The following APOBEC3G variants were observed in gnomAD, a reference collection of about 807,000 sequenced individuals.
APOBEC3G encodes DNA dC->dU-editing enzyme APOBEC-3G.
In APOBEC3G, 44 loss-of-function variants were observed where a neutral mutation model predicts 50.0. The ratio of observed to expected loss-of-function variants is 0.88; its 90% CI spans 0.69 to 1.13. APOBEC3G has a LOEUF of 1.13. Ranked by LOEUF, APOBEC3G falls within the 50% of genes most tolerant of loss-of-function variation. APOBEC3G has a pLI of 0.00. For missense variants in APOBEC3G, 469 were observed against 492.0 expected (o/e 0.95, Z 0.44); for synonymous variants, 156 against 175.3 (o/e 0.89, Z 0.87).
chr22:39,080,780 A>T, intron 2 of APOBEC3G, 153 bp from the exon 3 acceptor site: 2 of 703,900 alleles, frequency 2.8e-6, no homozygotes, highest in Admixed American at 5.9e-5. Context: ...TTTGGAGCAG[A>T]CAAACACTCA....
At chr22:39,078,234 G>C (rs34079083) in intron 1 of APOBEC3G, among the ~76,000 whole-genome samples, 12 of 151,838 alleles carry the variant, frequency 7.9e-5, no homozygotes, top group African/African-American at 2.7e-4. Context: ...ACTCCAGCCT[G>C]GGCAACAAGA....
At chr22:39,085,191 T>C (rs944797071) in intron 5 of APOBEC3G, among the ~76,000 whole-genome samples, 1 of 152,208 alleles carries the variant, frequency 6.6e-6, no homozygotes, top group African/African-American at 2.4e-5. Context: ...ACAAGGACAA[T>C]CACCCCATGA....
In APOBEC3G at chr22:39,086,375, A is replaced by G. The variant is rs1374120538; in HGVS notation, c.832A>G (p.Arg278Gly). ...GAAGCTGGACCTGGACCAGGACTAC[A>G]GGGTTACCTGCTTCACCTCCTGGAG... ...FWKLDLDQDY[R>G]VTCFTSWSPC... Residue 278 changes from arginine (R) to glycine (G), a missense_variant, in exon 6 of 8, where the codon AGG becomes GGG. Coordinates refer to ENST00000407997, the MANE Select transcript of APOBEC3G (RefSeq NM_021822.4). The G allele has an allele frequency of 6.2e-7, 1 of 1,614,044 alleles. No homozygotes were observed. Among genetic ancestry groups the G allele is most frequent in the African/African-American group, 1.3e-5 (1 of 74,926 alleles).
intron 2 of APOBEC3G, chr22:39,079,401 T>A: frequency 4.0e-6 from 1 of 250,406 alleles, no homozygotes; most frequent in Non-Finnish European, 7.7e-6. Context: ...CACAGCAACC[T>A]CTGCCTCCTG....
intron 1 of APOBEC3G, among the ~76,000 whole-genome samples, chr22:39,077,585 C>T (rs773422631): frequency 6.6e-6 from 1 of 152,094 alleles, no homozygotes; most frequent in Non-Finnish European, 1.5e-5. Context: ...GCCGCCTCCC[C>T]CATCTGTCCC....
rs1392920296 is a variant in APOBEC3G, at chr22:39,083,798, G to C, written c.649G>C (p.Glu217Gln). The change falls in exon 5 of 8, where the codon GAG becomes CAG. Residue 217 changes from glutamate to glutamine, a missense_variant. Physicochemically the swap from Glu to Gln is conservative, Grantham distance 29. Transcript: ENST00000407997. ...NNEPWVRGRHETYLCYEVERM... is the reference protein window; with the variant it reads ...NNEPWVRGRHQTYLCYEVERM... ...TGAACCTTGGGTCAGAGGACGGCAT[G>C]AGACTTACCTGTGTTATGAGGTGGA... 6.2e-7 allele frequency: 1 copy of C among 1,614,062 alleles called. No individual in the cohort carries two copies. Among genetic ancestry groups the C allele is most frequent in the Non-Finnish European group, 8.5e-7 (1 of 1,179,940 alleles).
At position 39,081,519 on chromosome 22, in the gene APOBEC3G, T is replaced by C. The variant is rs765471727; in HGVS notation, c.515T>C (p.Phe172Ser). The C allele has an allele frequency of 6.2e-7, 1 of 1,614,204 alleles. No individual in the cohort carries two copies. Among genetic ancestry groups the C allele is most frequent in the Admixed American group, 1.7e-5 (1 of 60,026 alleles). ...TTCGTGTACAGCCAAAGAGAGCTAT[T>C]TGAGCCTTGGAATAATCTGCCTAAA... ...SKFVYSQREL[F>S]EPWNNLPKYY... Residue 172 changes from phenylalanine (F) to serine (S), a missense_variant, in exon 4 of 8, where the codon TTT becomes TCT. Physicochemically the swap from Phe to Ser is radical, Grantham distance 155 (BLOSUM62 -2). Coordinates refer to ENST00000407997, the MANE Select transcript of APOBEC3G (RefSeq NM_021822.4).
chr22:39,078,286 A>G (rs934661852), intron 1 of APOBEC3G, among the ~76,000 whole-genome samples: 10 of 152,192 alleles, frequency 6.6e-5, no homozygotes, highest in African/African-American at 2.4e-4. Flanking sequence ...AAAACAAAAG[A>G]AAAAACATGG....
intron 7 of APOBEC3G, 34 bp from the exon 8 acceptor site, chr22:39,087,373 C>A (rs1366867373): frequency 1.2e-6 from 2 of 1,614,014 alleles, no homozygotes; most frequent in African/African-American, 1.3e-5. Context: ...CACTCGCTCA[C>A]CCTTTGCTCC....
Position 39,081,467 on chromosome 22 carries a change from T to G in APOBEC3G, c.467-4T>G. The G allele has an allele frequency of 1.2e-6, 2 of 1,613,792 alleles. No individual in the cohort carries two copies. The highest frequency in any genetic ancestry group is 1.7e-6 in the Non-Finnish European group (2 of 1,179,720). The stretch of plus-strand genomic sequence containing the variant: ...TTGACTGCGTTCTCTCTTCTTTTTC[T>G]TAGAATTTCAGCACTGTTGGAGCAA... On this transcript the variant is annotated splice_region_variant and splice_polypyrimidine_tract_variant and intron_variant, in intron 3 of 7. Transcript: ENST00000407997.
intron 5 of APOBEC3G, among the ~76,000 whole-genome samples, chr22:39,084,320 G>A (rs1213273066): frequency 1.3e-5 from 2 of 152,190 alleles, no homozygotes; most frequent in African/African-American, 4.8e-5. Flanking sequence ...AAGGTCAGGA[G>A]ATCAAGACCA....
At chr22:39,081,353 G>C in intron 3 of APOBEC3G, 118 bp from the exon 4 acceptor site, 4 of 1,539,110 alleles carry the variant, frequency 2.6e-6, no homozygotes, top group Non-Finnish European at 3.5e-6. Flanking sequence ...GGAGCCTGTG[G>C]GGTTGGGTCT....
chr22:39,078,274 C>A (rs1457899221), intron 1 of APOBEC3G, among the ~76,000 whole-genome samples: 1 of 151,478 alleles, frequency 6.6e-6, no homozygotes, highest in Non-Finnish European at 1.5e-5. Flanking sequence ...GAAAAAAAAA[C>A]AAAAACAAAA....
rs899187045 is a variant in APOBEC3G, at chr22:39,079,392, A to G, written c.171+307A>G. The G allele has an allele frequency of 1.0e-4, 28 of 267,462 alleles. No individual in the cohort carries two copies. The South Asian group carries it at 1.7e-3, about 16-fold the overall frequency. The allele number at this position is 267,462 out of a possible 1,614,324, so 16.6% of individuals were successfully genotyped here. ...GAGTGCAATGACGCGATCTCGGCTCACAGCAACCTCTGCCTCCTGGGTTCA... is the reference window on the plus strand; with the variant it reads ...GAGTGCAATGACGCGATCTCGGCTCGCAGCAACCTCTGCCTCCTGGGTTCA... On this transcript the variant is annotated intron_variant, in intron 2 of 7. Transcript: ENST00000407997.
intron 5 of APOBEC3G, among the ~76,000 whole-genome samples, chr22:39,085,330 G>A (rs1928645447): frequency 6.6e-6 from 1 of 152,128 alleles, no homozygotes; most frequent in African/African-American, 2.4e-5. Flanking sequence ...GCACAATGTG[G>A]AAGCTTCTAG....
chr22:39,081,583 C>T lies in APOBEC3G; in HGVS notation c.579C>T (p.Leu193=). The part of the protein sequence containing the change: ...ILLHIMLGEI[L]RHSMDPPTFT... ...TGCACATCATGCTGGGGGAGATTCT[C>T]AGGTGAGGGTCTCCCTCCAGGCTCA... is the stretch of plus-strand genomic sequence containing the variant. The change falls in exon 4 of 8, where the codon CTC becomes CTT. Residue 193 remains leucine, a splice_region_variant and synonymous_variant. Coordinates refer to ENST00000407997, the MANE Select transcript of APOBEC3G (RefSeq NM_021822.4). 6.2e-7 allele frequency: 1 copy of T among 1,611,640 alleles called. No homozygotes were observed. Among genetic ancestry groups the T allele is most frequent in the Non-Finnish European group, 8.5e-7 (1 of 1,177,974 alleles).
rs1240555800 is a variant in APOBEC3G at position 39,079,061 on chromosome 22, G to A, written c.147G>A (p.Leu49=). 1 of 1,614,148 alleles carries A rather than the reference G, an allele frequency of 6.2e-7. No individual in the cohort carries two copies. The highest frequency in any genetic ancestry group is 2.2e-5 in the East Asian group (1 of 44,882). ...CAAAGGGTCCCTCAAGGCCCCCTTTGGACGCAAAGATCTTTCGAGGCCAGG... is the reference window on the plus strand; with the variant it reads ...CAAAGGGTCCCTCAAGGCCCCCTTTAGACGCAAAGATCTTTCGAGGCCAGG... ...VKTKGPSRPP[L]DAKIFRGQVY... Residue 49 remains leucine, a synonymous_variant, in exon 2 of 8, where the codon TTG becomes TTA. Coordinates refer to ENST00000407997, the MANE Select transcript of APOBEC3G (RefSeq NM_021822.4).
At position 39,079,014 on chromosome 22, in the gene APOBEC3G, T is replaced by G. The variant is rs1450257972; in HGVS notation, c.100T>G (p.Trp34Gly). ...RPILSRRNTV[W>G]LCYEVKTKGP... ...CATCCTTTCTCGTCGGAATACCGTC[T>G]GGCTGTGCTACGAAGTGAAAACAAA... Residue 34 changes from tryptophan (W) to glycine (G), a missense_variant, in exon 2 of 8, where the codon TGG becomes GGG. Physicochemically the swap from Trp to Gly is radical, Grantham distance 184 (BLOSUM62 -2). Coordinates refer to ENST00000407997, the MANE Select transcript of APOBEC3G (RefSeq NM_021822.4). The G allele has an allele frequency of 6.2e-7, 1 of 1,614,242 alleles. No homozygotes were observed. The highest frequency in any genetic ancestry group is 1.1e-5 in the South Asian group (1 of 91,086).
chr22:39,084,256 C>T (rs141060516), intron 5 of APOBEC3G, among the ~76,000 whole-genome samples: 12,696 of 152,146 alleles, frequency 0.083, 627 homozygotes, highest in African/African-American at 0.14. Context: ...CGGCCGGGCA[C>T]GGTGGCTCAT....
Sources: gnomAD v4.1 joint callset for allele counts (sites outside exome capture counted in the v4.1 genomes callset) on GRCh38, gnomAD v4.1.1 for gene constraint, MANE v1.5 for transcripts, NCBI Gene and HGNC (gene_info 2026-07-23, HGNC 2026-07-21) for gene names.